The following AGBL1 variants were observed in gnomAD, a reference collection of about 807,000 sequenced individuals.
AGBL1 encodes the protein cytosolic carboxypeptidase 4.
In AGBL1, 130 loss-of-function variants were observed where a neutral mutation model predicts 118.9. The observed-to-expected ratio is 1.09, with a 90% CI of 0.95 to 1.26. The LOEUF (loss-of-function observed/expected upper bound fraction) is 1.26, where lower values mean the gene tolerates loss of function less well. Ranked by LOEUF, AGBL1 falls within the 50% of genes most tolerant of loss-of-function variation. The pLI is 0.00. For missense variants in AGBL1, 1,584 were observed against 1,298.1 expected, an observed-to-expected ratio of 1.22 and a Z score of -3.38; for synonymous variants, 555 against 478.9, an observed-to-expected ratio of 1.16 and a Z score of -2.08.
At chr15:86,931,420 C>T (rs1226468386) in intron 23 of AGBL1, among the ~76,000 whole-genome samples, 1 of 152,142 alleles carries the variant, frequency 6.6e-6, no homozygotes, top group Admixed American at 6.5e-5. Context: ...CACCTTTCTC[C>T]TGCTGCAAAA....
chr15:86,485,408 T>C (rs560664794), intron 18 of AGBL1, among the ~76,000 whole-genome samples: 1 of 152,208 alleles, frequency 6.6e-6, no homozygotes, highest in Middle Eastern at 3.4e-3. Context: ...TTTTAATACA[T>C]GTGCAGGATC....
chr15:86,491,984 T>C (rs569918265), intron 18 of AGBL1, among the ~76,000 whole-genome samples: 1 of 152,188 alleles, frequency 6.6e-6, no homozygotes, highest in Non-Finnish European at 1.5e-5. Context: ...TTTATCTTGG[T>C]TCTCACAATA....
At chr15:86,522,191 T>A (rs2083197927) in intron 18 of AGBL1, among the ~76,000 whole-genome samples, 1 of 152,196 alleles carries the variant, frequency 6.6e-6, no homozygotes, top group Non-Finnish European at 1.5e-5. Flanking sequence ...ATTGCTCTAA[T>A]ATACCATGAT....
downstream of AGBL1, chr15:87,029,163 A>C (rs74447955): frequency 4.3e-6 from 1 of 235,142 alleles, no homozygotes; most frequent in Non-Finnish European, 8.2e-6. Context: ...TCACATAGAT[A>C]GTCTTCTACT....
chr15:86,732,687 G>C (rs2077541955), intron 22 of AGBL1, among the ~76,000 whole-genome samples: 1 of 152,038 alleles, frequency 6.6e-6, no homozygotes, highest in African/African-American at 2.4e-5. Context: ...TAGACTGCTT[G>C]GAATTGAGGA....
chr15:86,677,606 C>T (rs1480448518), intron 22 of AGBL1, among the ~76,000 whole-genome samples: 1 of 152,124 alleles, frequency 6.6e-6, no homozygotes. Context: ...CCCCCCACCT[C>T]CATTTGTCCC....
At chr15:86,687,310 A>C (rs559517117) in intron 22 of AGBL1, among the ~76,000 whole-genome samples, 1 of 152,198 alleles carries the variant, frequency 6.6e-6, no homozygotes, top group Non-Finnish European at 1.5e-5. Flanking sequence ...TTCTGAAGTA[A>C]CTGCCCTCAC....
intron 1 of AGBL1, among the ~76,000 whole-genome samples, chr15:86,138,877 C>T (rs1318397781): frequency 6.6e-6 from 1 of 152,164 alleles, no homozygotes; most frequent in African/African-American, 2.4e-5. Context: ...CAATGTTGAT[C>T]AGGAAACTAA....
At chr15:87,009,013 C>T (rs575702717) in intron 24 of AGBL1, among the ~76,000 whole-genome samples, 1 of 152,252 alleles carries the variant, frequency 6.6e-6, no homozygotes, top group Admixed American at 6.5e-5. Flanking sequence ...AAAATAAAAT[C>T]CTATTTTCTG....
At chr15:86,538,906 A>C (rs953110843) in intron 19 of AGBL1, among the ~76,000 whole-genome samples, 2 of 152,244 alleles carry the variant, frequency 1.3e-5, no homozygotes, top group Non-Finnish European at 2.9e-5. Flanking sequence ...GAGGAACTAG[A>C]ATGGGACCAA....
chr15:86,509,532 A>C (rs1293497442), intron 18 of AGBL1, among the ~76,000 whole-genome samples: 1 of 152,180 alleles, frequency 6.6e-6, no homozygotes, highest in Non-Finnish European at 1.5e-5. Context: ...CAGTGAAAGA[A>C]TTTGAATATA....
At chr15:86,959,342 G>A (rs953742054) in intron 23 of AGBL1, among the ~76,000 whole-genome samples, 4 of 152,098 alleles carry the variant, frequency 2.6e-5, no homozygotes, top group African/African-American at 9.7e-5. Flanking sequence ...TCAACATCCA[G>A]TTCTGTACCT....
chr15:86,230,436 T>G (rs2141947210), intron 6 of AGBL1, among the ~76,000 whole-genome samples: 1 of 152,366 alleles, frequency 6.6e-6, no homozygotes, highest in African/African-American at 2.4e-5. Context: ...TTGTTAATCC[T>G]TTGATCTCAT....
intron 2 of AGBL1, among the ~76,000 whole-genome samples, chr15:86,142,360 T>A (rs567181558): frequency 5.3e-5 from 8 of 152,276 alleles, no homozygotes; most frequent in African/African-American, 1.9e-4. Context: ...TTGTGACCTA[T>A]TTAAGAGAGC....
At chr15:86,616,193 T>C (rs958113386) in intron 21 of AGBL1, among the ~76,000 whole-genome samples, 16 of 151,672 alleles carry the variant, frequency 1.1e-4, no homozygotes, top group Admixed American at 2.6e-4. Flanking sequence ...AGAAATTAGC[T>C]GGGCATTGAG....
Position 86,736,148 on chromosome 15 carries a change from C to T in AGBL1, c.3158+61712C>T, listed in dbSNP as rs28715088. Among the ~76,000 whole-genome samples the T allele has an allele frequency of 5.1e-3, 773 of 152,074 alleles. 8 individuals are homozygous for T. Among genetic ancestry groups the T allele is most frequent in the African/African-American group, 0.018 (727 of 41,490 alleles). Reference sequence around the variant, plus strand: ...CTATAATTCCAGCACTTTGAGAGGCCGAGGTGGGCAGATCACGAGGTCAGG... The same window carrying T: ...CTATAATTCCAGCACTTTGAGAGGCTGAGGTGGGCAGATCACGAGGTCAGG... On this transcript the variant is annotated intron_variant, in intron 22 of 22. Coordinates refer to ENST00000614907, the MANE Select transcript of AGBL1 (RefSeq NM_001386094.1).
intron 5 of AGBL1, among the ~76,000 whole-genome samples, chr15:86,169,252 T>C (rs910015481): frequency 6.6e-6 from 1 of 152,170 alleles, no homozygotes; most frequent in African/African-American, 2.4e-5. Context: ...TCTGGAGATC[T>C]TCAGGGATTA....
intron 22 of AGBL1, among the ~76,000 whole-genome samples, chr15:86,808,372 G>T (rs999170702): frequency 2.6e-5 from 4 of 152,142 alleles, no homozygotes. Flanking sequence ...GATTTCACTA[G>T]CATGTCATTG....
chr15:86,731,548 A>C (rs1283503430), intron 22 of AGBL1, among the ~76,000 whole-genome samples: 1 of 152,176 alleles, frequency 6.6e-6, no homozygotes. Context: ...TTCTTCTGGG[A>C]TTCTATCTGA....
Sources: gnomAD v4.1 joint callset for allele counts (sites outside exome capture counted in the v4.1 genomes callset) on GRCh38, gnomAD v4.1.1 for gene constraint, MANE v1.5 for transcripts, NCBI Gene and HGNC (gene_info 2026-07-23, HGNC 2026-07-21) for gene names.